PPP2R3A: variants seen among roughly 807,000 people sequenced by gnomAD.
PPP2R3A encodes the protein serine/threonine-protein phosphatase 2A regulatory subunit B'' subunit alpha.
Under a neutral mutation model 106.9 loss-of-function variants are expected in PPP2R3A, and 80 were observed. The ratio of observed to expected loss-of-function variants is 0.75; its 90% CI spans 0.62 to 0.90. The LOEUF is 0.90. Among genes scored for constraint, PPP2R3A ranks in the 40% least tolerant of loss-of-function variants. PPP2R3A has a pLI of 0.00. For missense variants in PPP2R3A, 1,386 were observed against 1,350.4 expected (o/e 1.03, Z -0.41); for synonymous variants, 483 against 468.3 (o/e 1.03, Z -0.41).
chr3:136,140,170 C>G (rs189336844), intron 13 of PPP2R3A, among the ~76,000 whole-genome samples: 240 of 152,054 alleles, frequency 1.6e-3, no homozygotes, highest in Middle Eastern at 6.8e-3. Context: ...ATTTGAGCCC[C>G]GGGGAATACC....
At chr3:136,110,823 C>T (rs1348013715) in intron 13 of PPP2R3A, among the ~76,000 whole-genome samples, 2 of 151,976 alleles carry the variant, frequency 1.3e-5, no homozygotes, top group Non-Finnish European at 2.9e-5. Flanking sequence ...TAGGTTTGGC[C>T]CACAGACTAT....
At chr3:136,009,613 A>G (rs1933975834) in intron 2 of PPP2R3A, among the ~76,000 whole-genome samples, 1 of 152,062 alleles carries the variant, frequency 6.6e-6, no homozygotes, top group Non-Finnish European at 1.5e-5. Flanking sequence ...TACTGTTAGC[A>G]TTACCTGGAC....
intron 13 of PPP2R3A, among the ~76,000 whole-genome samples, chr3:136,144,827 T>C (rs1331575964): frequency 1.3e-5 from 2 of 152,166 alleles, no homozygotes; most frequent in African/African-American, 4.8e-5. Flanking sequence ...TTTCAACAAA[T>C]TCTGACATGG....
chr3:136,053,985 A>G (rs1222372245), intron 5 of PPP2R3A, among the ~76,000 whole-genome samples: 1 of 152,228 alleles, frequency 6.6e-6, no homozygotes, highest in Admixed American at 6.5e-5. Context: ...ATACACAGAA[A>G]AAGTAGCCCA....
At chr3:136,075,603 G>A (rs1936569326) in intron 6 of PPP2R3A, among the ~76,000 whole-genome samples, 1 of 152,162 alleles carries the variant, frequency 6.6e-6, no homozygotes, top group African/African-American at 2.4e-5. Flanking sequence ...CAAACTGTTT[G>A]CAGATTTTAA....
intron 7 of PPP2R3A, among the ~76,000 whole-genome samples, chr3:136,081,936 A>G (rs1257974360): frequency 6.6e-6 from 1 of 152,200 alleles, no homozygotes; most frequent in Non-Finnish European, 1.5e-5. Flanking sequence ...TTCTGGCCAA[A>G]TAATTAAGAC....
chr3:136,139,374 C>T (rs1483978391), intron 13 of PPP2R3A, among the ~76,000 whole-genome samples: 3 of 152,034 alleles, frequency 2.0e-5, no homozygotes, highest in Non-Finnish European at 4.4e-5. Context: ...CCACCATATC[C>T]CCTCATGCTA....
chr3:135,977,128 A>G (rs1937439459), intron 1 of PPP2R3A, among the ~76,000 whole-genome samples: 1 of 152,148 alleles, frequency 6.6e-6, no homozygotes, highest in Admixed American at 6.5e-5. Context: ...CTATAGTAGA[A>G]TATTTGTAAA....
At chr3:135,967,927 A>G (rs1937136359) in intron 1 of PPP2R3A, among the ~76,000 whole-genome samples, 1 of 152,194 alleles carries the variant, frequency 6.6e-6, no homozygotes, top group African/African-American at 2.4e-5. Context: ...TTACTGAGGA[A>G]TAGATACCAG....
intron 4 of PPP2R3A, among the ~76,000 whole-genome samples, chr3:136,047,760 G>T (rs1935523081): frequency 1.3e-5 from 2 of 152,006 alleles, no homozygotes; most frequent in South Asian, 4.2e-4. Flanking sequence ...AAAAATTTAG[G>T]CAGGTGTGGT....
At chr3:136,090,892 A>T (rs1295347933) in intron 10 of PPP2R3A, among the ~76,000 whole-genome samples, 2 of 152,242 alleles carry the variant, frequency 1.3e-5, no homozygotes, top group Non-Finnish European at 2.9e-5. Context: ...ACAAAGGTGA[A>T]GTGACATGTA....
chr3:136,069,312 C>T (rs534299953), intron 5 of PPP2R3A, among the ~76,000 whole-genome samples: 1 of 152,226 alleles, frequency 6.6e-6, no homozygotes, highest in Non-Finnish European at 1.5e-5. Context: ...CATGGTGGCT[C>T]ATGCCTGTAA....
chr3:136,097,479 T>A (rs1406475227), intron 10 of PPP2R3A, among the ~76,000 whole-genome samples: 2 of 152,254 alleles, frequency 1.3e-5, no homozygotes, highest in African/African-American at 4.8e-5. Flanking sequence ...ATTCAGGCAG[T>A]ATATCTATCT....
intron 5 of PPP2R3A, among the ~76,000 whole-genome samples, chr3:136,060,291 A>C (rs1936031582): frequency 6.6e-6 from 1 of 152,204 alleles, no homozygotes; most frequent in African/African-American, 2.4e-5. Flanking sequence ...ACGTGATCTC[A>C]CTTATATGTA....
At chr3:136,092,658 C>T (rs946851585) in intron 10 of PPP2R3A, among the ~76,000 whole-genome samples, 5 of 151,986 alleles carry the variant, frequency 3.3e-5, no homozygotes, top group Non-Finnish European at 5.9e-5. Context: ...GTGTGGTACT[C>T]GTATCATGAT....
intron 10 of PPP2R3A, among the ~76,000 whole-genome samples, chr3:136,092,103 C>T (rs1010580607): frequency 1.3e-5 from 2 of 152,036 alleles, no homozygotes; most frequent in Non-Finnish European, 2.9e-5. Context: ...CCGAGGTGGG[C>T]AGATCACCTG....
intron 9 of PPP2R3A, among the ~76,000 whole-genome samples, chr3:136,089,960 A>T (rs1937054114): frequency 6.6e-6 from 1 of 152,200 alleles, no homozygotes; most frequent in African/African-American, 2.4e-5. Context: ...TTGATTTTGT[A>T]TCCCGAAACT....
intron 4 of PPP2R3A, among the ~76,000 whole-genome samples, chr3:136,043,639 C>T (rs556155660): frequency 7.2e-5 from 11 of 152,196 alleles, no homozygotes; most frequent in Non-Finnish European, 1.5e-4. Flanking sequence ...AGGAGAAAGA[C>T]ATTGCTCCAT....
chr3:136,142,275 C>T (rs1363044998), intron 13 of PPP2R3A, among the ~76,000 whole-genome samples: 2 of 152,056 alleles, frequency 1.3e-5, no homozygotes, highest in African/African-American at 4.8e-5. Flanking sequence ...TTAGCACCAT[C>T]CCTGCACTCT....
Sources: allele counts gnomAD v4.1 joint callset (sites outside exome capture counted in the v4.1 genomes callset), GRCh38; gene constraint gnomAD v4.1.1; transcripts MANE v1.5; gene names NCBI Gene and HGNC (gene_info 2026-07-23, HGNC 2026-07-21).